The following KCNMB2 variants were observed in gnomAD, a reference collection of about 807,000 sequenced individuals.
KCNMB2 encodes calcium-activated potassium channel subunit beta-2.
KCNMB2 carries 9 observed loss-of-function variants against 24.5 expected under a neutral mutation model. The ratio of observed to expected loss-of-function variants is 0.37; its 90% CI spans 0.22 to 0.64. KCNMB2 has a LOEUF of 0.64. Among genes scored for constraint, KCNMB2 ranks in the 30% least tolerant of loss-of-function variants. The pLI is 0.63. For missense variants in KCNMB2, 226 were observed against 284.3 expected (o/e 0.79, Z 1.47); for synonymous variants, 109 against 104.4 (o/e 1.04, Z -0.27).
At chr3:178,640,339 G>A (rs1402556943) in intron 1 of KCNMB2, among the ~76,000 whole-genome samples, 1 of 152,180 alleles carries the variant, frequency 6.6e-6, no homozygotes, top group Non-Finnish European at 1.5e-5. Flanking sequence ...AGGCAAAGGG[G>A]AAGCAAGCAT....
At chr3:178,685,092 T>C (rs1721418479) in intron 1 of KCNMB2, among the ~76,000 whole-genome samples, 1 of 128,184 alleles carries the variant, frequency 7.8e-6, no homozygotes, top group Non-Finnish European at 1.8e-5. Flanking sequence ...GGACCATGCC[T>C]ACCCAACTCC....
intron 1 of KCNMB2, among the ~76,000 whole-genome samples, chr3:178,729,944 G>T (rs1416126401): frequency 3.9e-5 from 6 of 152,080 alleles, no homozygotes; most frequent in Non-Finnish European, 4.4e-5. Context: ...TTGACAAAAG[G>T]CTCTCTTCAT....
rs571916580 is a variant in KCNMB2 at position 178,584,156 on chromosome 3, G to A, written c.-68+47445G>A. On this transcript the variant is annotated intron_variant, in intron 1 of 4. Coordinates refer to ENST00000452583, the MANE Select transcript of KCNMB2 (RefSeq NM_181361.3). ...GTCTGCTTTAAAAAGATGATGAAAC[G>A]GATAGCTCATGCATCTGGGTATGGC... Among the ~76,000 whole-genome samples the A allele has an allele frequency of 3.9e-5, 6 of 152,330 alleles. No homozygotes were observed. In the East Asian group the frequency reaches 5.8e-4, roughly 15 times the overall value.
intron 1 of KCNMB2, among the ~76,000 whole-genome samples, chr3:178,638,327 T>C (rs1355854995): frequency 6.6e-6 from 1 of 152,160 alleles, no homozygotes; most frequent in Non-Finnish European, 1.5e-5. Flanking sequence ...TTCATTTCCT[T>C]CTAATCTCTT....
intron 1 of KCNMB2, among the ~76,000 whole-genome samples, chr3:178,577,237 T>C (rs1286445502): frequency 6.6e-6 from 1 of 151,944 alleles, no homozygotes; most frequent in East Asian, 1.9e-4. Context: ...GGGTCTGGAG[T>C]GGACCTTCAG....
chr3:178,706,693 T>C (rs1301607464), intron 1 of KCNMB2, among the ~76,000 whole-genome samples: 1 of 152,118 alleles, frequency 6.6e-6, no homozygotes, highest in Non-Finnish European at 1.5e-5. Flanking sequence ...CACCCCAGAC[T>C]CTACCCAACT....
chr3:178,826,270 T>G (rs1390299500), intron 3 of KCNMB2, among the ~76,000 whole-genome samples: 8 of 152,140 alleles, frequency 5.3e-5, no homozygotes. Flanking sequence ...TTAAAAATGC[T>G]AATACCCAGC....
intron 1 of KCNMB2, among the ~76,000 whole-genome samples, chr3:178,564,938 A>G (rs964697914): frequency 1.3e-5 from 2 of 152,228 alleles, no homozygotes; most frequent in African/African-American, 2.4e-5. Context: ...AAACAAACTT[A>G]TGATACATCT....
chr3:178,673,460 T>A (rs927641779), intron 1 of KCNMB2, among the ~76,000 whole-genome samples: 4 of 152,026 alleles, frequency 2.6e-5, no homozygotes, highest in African/African-American at 7.2e-5. Flanking sequence ...TGAAAAAAAA[T>A]AGAAGCAACC....
chr3:178,726,004 T>C (rs753664686), intron 1 of KCNMB2, among the ~76,000 whole-genome samples: 12 of 151,932 alleles, frequency 7.9e-5, no homozygotes, highest in Non-Finnish European at 1.5e-4. Flanking sequence ...ATTCCTTTGT[T>C]TTCTATTCCT....
chr3:178,694,486 T>C (rs1721804690), intron 1 of KCNMB2, among the ~76,000 whole-genome samples: 2 of 152,210 alleles, frequency 1.3e-5, no homozygotes. Flanking sequence ...AAGTCTCATC[T>C]GAGACCAGGC....
chr3:178,625,687 C>A (rs1054788099), intron 1 of KCNMB2, among the ~76,000 whole-genome samples: 41 of 152,106 alleles, frequency 2.7e-4, no homozygotes, highest in African/African-American at 9.2e-4. Context: ...AAATACTAAC[C>A]CTTCACCTAC....
intron 1 of KCNMB2, among the ~76,000 whole-genome samples, chr3:178,669,206 C>T (rs1720818439): frequency 6.6e-6 from 1 of 152,104 alleles, no homozygotes; most frequent in Non-Finnish European, 1.5e-5. Context: ...GATGGATGGG[C>T]ATGTGACCCA....
intron 1 of KCNMB2, chr3:178,749,022 T>C (rs952490788): frequency 6.6e-6 from 1 of 152,228 alleles, no homozygotes; most frequent in African/African-American, 2.4e-5. Flanking sequence ...TTAATGACTT[T>C]CTTAATGGTT....
In KCNMB2 at chr3:178,754,177, T is replaced by TATATAC. The variant is rs1435109631; in HGVS notation, c.-67-53165_-67-53164insTATACA. Among the ~76,000 whole-genome samples the TATATAC allele has an allele frequency of 4.6e-3, 536 of 117,096 alleles. 4 individuals carry two copies. The highest frequency in any genetic ancestry group is 8.1e-3 in the African/African-American group (217 of 26,876). The allele number at this position is 117,096 out of a possible 152,430, so 76.8% of individuals were successfully genotyped here. On this transcript the variant is annotated intron_variant, in intron 1 of 4. Transcript: ENST00000452583. ...ATATATATATATATATATATATATATACACACACACACACATACATATATA... is the reference window on the plus strand; with the variant it reads ...ATATATATATATATATATATATATATATATACACACACACACACACATACATATATA...
chr3:178,603,197 G>A (rs1245172105), intron 1 of KCNMB2, among the ~76,000 whole-genome samples: 1 of 152,106 alleles, frequency 6.6e-6, no homozygotes, highest in African/African-American at 2.4e-5. Flanking sequence ...GGGTCCTGAG[G>A]GTGGTGCTTA....
Position 178,751,217 on chromosome 3 carries a change from G to C in KCNMB2, c.-67-56126G>C, listed in dbSNP as rs184650049. ...TTTCTTTTAGGTTCCAAGAAGACCA[G>C]AGTAAAGGTATACAAAGAAATAGTT... On this transcript the variant is annotated intron_variant, in intron 1 of 4. Coordinates refer to ENST00000452583, the MANE Select transcript of KCNMB2 (RefSeq NM_181361.3). Among the ~76,000 whole-genome samples, 45 of 152,218 alleles carry C rather than the reference G, an allele frequency of 3.0e-4. No individual in the cohort carries two copies. In the East Asian group the frequency reaches 8.5e-3, roughly 29 times the overall value.
chr3:178,758,215 G>GATAT lies in KCNMB2; in HGVS notation c.-67-49113_-67-49110dup, dbSNP rs371418110. Among the ~76,000 whole-genome samples, 18 of 9,490 alleles carry GATAT rather than the reference G, an allele frequency of 1.9e-3. 1 individual carries two copies. The highest frequency in any genetic ancestry group is 5.0e-3 in the South Asian group (1 of 202). The allele number at this position is 9,490 out of a possible 152,430, so 6.2% of individuals were successfully genotyped here. A position where few individuals can be genotyped will look rare whatever the true frequency, so the allele number is the denominator to read the frequency against. ...ATATATATATATATATATCCAAGGG[G>GATAT]ATATATATATATATATATCCAAGGG... is the stretch of plus-strand genomic sequence containing the variant. On this transcript the variant is annotated intron_variant, in intron 1 of 4. Coordinates refer to ENST00000452583, the MANE Select transcript of KCNMB2 (RefSeq NM_181361.3).
intron 1 of KCNMB2, among the ~76,000 whole-genome samples, chr3:178,554,547 T>C (rs908768065): frequency 6.6e-6 from 1 of 152,234 alleles, no homozygotes; most frequent in African/African-American, 2.4e-5. Context: ...CCTTTCTTTC[T>C]TTCTGATGTA....
Sources: gnomAD v4.1 joint callset for allele counts (sites outside exome capture counted in the v4.1 genomes callset) on GRCh38, gnomAD v4.1.1 for gene constraint, MANE v1.5 for transcripts, NCBI Gene and HGNC (gene_info 2026-07-23, HGNC 2026-07-21) for gene names.